The following GLT8D2 variants were observed in gnomAD, a reference collection of about 807,000 sequenced individuals.
GLT8D2 encodes the protein glycosyltransferase 8 domain containing 2, also known as glycosyltransferase 8 domain-containing protein 2.
A neutral mutation model predicts 44.5 loss-of-function variants in GLT8D2; 45 were observed. The ratio of observed to expected loss-of-function variants is 1.01; its 90% confidence interval spans 0.80 to 1.30. The LOEUF is 1.30. Ranked by LOEUF, GLT8D2 falls within the 50% of genes most tolerant of loss-of-function variation. The pLI, the probability that GLT8D2 is intolerant of heterozygous loss-of-function variation, is 0.00. For missense variants in GLT8D2, 400 were observed against 430.4 expected (o/e 0.93, Z 0.62); for synonymous variants, 156 against 157.2 (o/e 0.99, Z 0.06).
chr12:104,019,492 G>T (rs374089965), intron 3 of GLT8D2, 138 bp downstream of exon 3: 1 of 681,784 alleles, frequency 1.5e-6, no homozygotes. Context: ...AAATGATGAT[G>T]CCAAAAAGTG....
chr12:104,004,805 C>T (rs1165071083), intron 4 of GLT8D2, among the ~76,000 whole-genome samples: 2 of 152,108 alleles, frequency 1.3e-5, no homozygotes, highest in African/African-American at 4.8e-5. Flanking sequence ...GGCCACACTG[C>T]CCAAGGTAAT....
intron 5 of GLT8D2, among the ~76,000 whole-genome samples, chr12:104,002,163 G>A (rs1874302449): frequency 6.6e-6 from 1 of 151,992 alleles, no homozygotes; most frequent in South Asian, 2.1e-4. Context: ...GTCTTGTTAT[G>A]TTGCCCAGGC....
At chr12:103,991,432 C>T (rs1332256322) in intron 10 of GLT8D2, among the ~76,000 whole-genome samples, 1 of 152,164 alleles carries the variant, frequency 6.6e-6, no homozygotes, top group African/African-American at 2.4e-5. Context: ...AAGTGATCCA[C>T]CCGCTTCAAC....
chr12:104,039,364 C>T (rs1880287560), intron 1 of GLT8D2, among the ~76,000 whole-genome samples: 1 of 152,160 alleles, frequency 6.6e-6, no homozygotes, highest in Admixed American at 6.5e-5. Context: ...AGGCAACCTA[C>T]ACAATGGGAG....
In GLT8D2 at chr12:103,989,561, G is replaced by A; in HGVS notation, c.897C>T (p.Ala299=). 1 of 1,611,712 alleles carries A rather than the reference G, an allele frequency of 6.2e-7. No individual in the cohort carries two copies. The highest frequency in any genetic ancestry group is 8.5e-7 in the Non-Finnish European group (1 of 1,178,916). ...HIRHLGWNPD[A]RYSEHFLQEA... Reference sequence around the variant, plus strand: ...CCTGCAGAAAATGCTCCGAATATCTGGCATCTGGATTCCAGCCTTCATTGT... The same window carrying A: ...CCTGCAGAAAATGCTCCGAATATCTAGCATCTGGATTCCAGCCTTCATTGT... The change falls in exon 11 of 11, where the codon GCC becomes GCT. Residue 299 remains alanine, a synonymous_variant. Coordinates refer to ENST00000360814, the MANE Select transcript of GLT8D2 (RefSeq NM_001384711.1).
At chr12:104,063,263 C>T (rs144977121) in intron 1 of GLT8D2, among the ~76,000 whole-genome samples, 244 of 152,256 alleles carry the variant, frequency 1.6e-3, no homozygotes, top group African/African-American at 5.6e-3. Flanking sequence ...CTTTTTGTGT[C>T]TCTGTGGCAA....
chr12:104,050,642 G>C (rs1187374873), upstream of GLT8D2, among the ~76,000 whole-genome samples: 1 of 152,114 alleles, frequency 6.6e-6, no homozygotes, highest in African/African-American at 2.4e-5. Flanking sequence ...TATCTCTGCG[G>C]TGTGTTCTCA....
intron 1 of GLT8D2, chr12:104,029,648 T>G (rs1307057002): frequency 6.6e-6 from 1 of 152,160 alleles, no homozygotes; most frequent in African/African-American, 2.4e-5. Context: ...ATATAAGGCT[T>G]TATGAGGATT....
chr12:104,048,709 A>G (rs1431130004), intron 1 of GLT8D2, among the ~76,000 whole-genome samples: 1 of 152,218 alleles, frequency 6.6e-6, no homozygotes, highest in African/African-American at 2.4e-5. Flanking sequence ...TGTCAGAGGG[A>G]ACCATGGTCA....
intron 1 of GLT8D2, among the ~76,000 whole-genome samples, chr12:104,061,908 G>A (rs1882681143): frequency 6.6e-6 from 1 of 150,448 alleles, no homozygotes; most frequent in African/African-American, 2.4e-5. Context: ...CCTAGGAGGT[G>A]GAGGTTGCAG....
chr12:104,053,017 A>G (rs570063336), upstream of GLT8D2, among the ~76,000 whole-genome samples: 16 of 152,222 alleles, frequency 1.1e-4, no homozygotes, highest in East Asian at 3.1e-3. Flanking sequence ...TGCTCTAAAT[A>G]CTCACTGCAC....
chr12:104,017,943 T>C lies in GLT8D2; in HGVS notation c.19+1687A>G, dbSNP rs1566200404. Among the ~76,000 whole-genome samples the C allele has an allele frequency of 2.0e-5, 3 of 152,156 alleles. No individual in the cohort carries two copies. The South Asian group carries it at 6.2e-4, about 32-fold the overall frequency. ...GCCCAATAAAGACTTTACAAATGGT[T>C]ATGCATCATTGTTATTATTATTTTA... On this transcript the variant is annotated intron_variant, in intron 3 of 10. Transcript: ENST00000360814.
intron 10 of GLT8D2, among the ~76,000 whole-genome samples, chr12:103,991,053 G>T (rs144895401): frequency 1.4e-4 from 21 of 152,268 alleles, no homozygotes; most frequent in South Asian, 1.2e-3. Flanking sequence ...AATGATTTTT[G>T]TGTAGATTTA....
intron 4 of GLT8D2, among the ~76,000 whole-genome samples, chr12:104,008,770 G>T (rs922594850): frequency 5.9e-5 from 9 of 152,242 alleles, no homozygotes; most frequent in African/African-American, 2.2e-4. Flanking sequence ...TGCAGCCTAG[G>T]GACGTGGTGC....
At chr12:104,004,914 G>A (rs898689741) in intron 4 of GLT8D2, among the ~76,000 whole-genome samples, 14 of 152,078 alleles carry the variant, frequency 9.2e-5, no homozygotes, top group Admixed American at 5.9e-4. Flanking sequence ...AAAAGAGCCC[G>A]CATCGCCAAG....
chr12:104,011,830 C>T (rs1875862332), intron 4 of GLT8D2, among the ~76,000 whole-genome samples: 1 of 152,038 alleles, frequency 6.6e-6, no homozygotes, highest in Admixed American at 6.6e-5. Context: ...TATAACACAA[C>T]CAGTGTGGTG....
At chr12:104,049,042 C>T (rs1190424820) in intron 1 of GLT8D2, among the ~76,000 whole-genome samples, 1 of 152,118 alleles carries the variant, frequency 6.6e-6, no homozygotes, top group East Asian at 1.9e-4. Context: ...AAAGGGAGAA[C>T]TGGAATTCCA....
chr12:104,031,030 T>C lies in GLT8D2; in HGVS notation c.-163-9539A>G. The C allele has an allele frequency of 3.5e-6, 4 of 1,156,654 alleles. 1 individual carries two copies. The highest frequency in any genetic ancestry group is 2.6e-5 in the East Asian group (1 of 39,184). The allele number at this position is 1,156,654 out of a possible 1,614,324, so 71.6% of individuals were successfully genotyped here. On this transcript the variant is annotated intron_variant, in intron 1 of 10. Transcript: ENST00000360814. The stretch of plus-strand genomic sequence containing the variant: ...AGATGTGGCTGCCAGTGGTGAGGAC[T>C]TGGCGCCTCAATGAGCGGCACTATG...
At chr12:104,056,984 T>C (rs141540082) in intron 1 of GLT8D2, among the ~76,000 whole-genome samples, 40 of 152,344 alleles carry the variant, frequency 2.6e-4, no homozygotes, top group African/African-American at 8.7e-4. Context: ...AAAGTGATTA[T>C]TGTGGCAGTG....
Sources: allele counts gnomAD v4.1 joint callset (sites outside exome capture counted in the v4.1 genomes callset), GRCh38; gene constraint gnomAD v4.1.1; transcripts MANE v1.5; gene names NCBI Gene and HGNC (gene_info 2026-07-23, HGNC 2026-07-21).